PRDM16: variants seen among roughly 807,000 people sequenced by gnomAD.
The protein encoded by PRDM16 is histone-lysine N-methyltransferase PRDM16.
A neutral mutation model predicts 110.6 loss-of-function variants in PRDM16; 23 were observed. That is an observed-to-expected ratio of 0.21 (90% CI 0.15 to 0.29). The LOEUF (loss-of-function observed/expected upper bound fraction) is 0.29. Ranked by LOEUF, PRDM16 falls within the 10% of genes least tolerant of loss-of-function variation. The probability of loss-of-function intolerance (pLI) is 1.00; values close to 1 mark genes in which losing one functional copy is unlikely to be tolerated. For synonymous variants in PRDM16, 799 were observed against 781.8 expected, an observed-to-expected ratio of 1.02 and a Z score of -0.37; for missense variants, 1,615 against 1,794.3, an observed-to-expected ratio of 0.90 and a Z score of 1.81.
At chr1:3,151,060 C>T (rs1452607671) in intron 1 of PRDM16, among the ~76,000 whole-genome samples, 1 of 152,110 alleles carries the variant, frequency 6.6e-6, no homozygotes, top group Non-Finnish European at 1.5e-5. Context: ...GGTCCTCCAG[C>T]AGCCACCCTC....
chr1:3,335,187 C>G (rs548382922), intron 3 of PRDM16, among the ~76,000 whole-genome samples: 1 of 152,236 alleles, frequency 6.6e-6, no homozygotes, highest in Non-Finnish European at 1.5e-5. Context: ...ACAGCCCCAG[C>G]GTCCTGCTCT....
chr1:3,228,146 C>T (rs553478456), intron 2 of PRDM16, among the ~76,000 whole-genome samples: 12 of 152,326 alleles, frequency 7.9e-5, no homozygotes, highest in African/African-American at 2.4e-4. Context: ...AGAGAGTCCC[C>T]GGAGGGATGT....
At position 3,416,503 on chromosome 1, in the gene PRDM16, CCTCACCCCCA is replaced by C. The variant is rs1436976684; in HGVS notation, c.2692-1323_2692-1314del. 2.6e-5 allele frequency among the ~76,000 whole-genome samples: 4 copies of C among 152,328 alleles called. No homozygotes were observed. The East Asian group carries it at 7.7e-4, about 29-fold the overall frequency. On this transcript the variant is annotated intron_variant, in intron 10 of 16. Coordinates refer to ENST00000270722, the MANE Select transcript of PRDM16 (RefSeq NM_022114.4). ...GACGCAGGTCCTCACCTGCCCTTCT[CCTCACCCCCA>C]CACCCATTCCGTGGAGGCTGGGTGC...
At chr1:3,119,830 C>T (rs907248844) in intron 1 of PRDM16, among the ~76,000 whole-genome samples, 2 of 152,230 alleles carry the variant, frequency 1.3e-5, no homozygotes, top group African/African-American at 4.8e-5. Context: ...GCCGGATTGT[C>T]CCCTGCTCAG....
chr1:3,313,173 G>A (rs757670154), intron 3 of PRDM16, among the ~76,000 whole-genome samples: 7 of 152,242 alleles, frequency 4.6e-5, no homozygotes, highest in Admixed American at 6.5e-5. Context: ...TGTGGTTTCC[G>A]CCGCCTCATC....
intron 3 of PRDM16, among the ~76,000 whole-genome samples, chr1:3,278,377 A>G (rs995991006): frequency 1.3e-5 from 2 of 152,208 alleles, no homozygotes; most frequent in African/African-American, 4.8e-5. Flanking sequence ...GCAAACAGGG[A>G]GCTGAATGAA....
chr1:3,430,459 T>G (rs1040606429), intron 14 of PRDM16, among the ~76,000 whole-genome samples: 1 of 152,214 alleles, frequency 6.6e-6, no homozygotes, highest in African/African-American at 2.4e-5. Flanking sequence ...GTCCTCGAGT[T>G]GTCAGCCTGA....
intron 3 of PRDM16, among the ~76,000 whole-genome samples, chr1:3,336,734 C>A (rs906965711): frequency 2.1e-5 from 3 of 145,376 alleles, no homozygotes; most frequent in Non-Finnish European, 4.5e-5. Flanking sequence ...TGGTGTGAAT[C>A]TGTGTGTGAA....
chr1:3,396,094 C>A (rs1226499604), intron 4 of PRDM16, among the ~76,000 whole-genome samples: 2 of 152,222 alleles, frequency 1.3e-5, no homozygotes, highest in Non-Finnish European at 1.5e-5. Context: ...TGAGCTCCCC[C>A]TCCCCCGCCG....
intron 3 of PRDM16, among the ~76,000 whole-genome samples, chr1:3,318,550 GCTAT>G (rs1641665795): frequency 6.6e-6 from 1 of 151,972 alleles, no homozygotes; most frequent in African/African-American, 2.4e-5. Flanking sequence ...CTATCAATTA[GCTAT>G]CTATTGATCA....
intron 1 of PRDM16, among the ~76,000 whole-genome samples, chr1:3,180,879 G>C (rs1644144185): frequency 6.6e-6 from 1 of 150,946 alleles, no homozygotes; most frequent in African/African-American, 2.5e-5. Context: ...TACACACGCA[G>C]TCTTACACAC....
At chr1:3,230,687 T>C (rs2651924) in intron 2 of PRDM16, among the ~76,000 whole-genome samples, 59,668 of 152,200 alleles carry the variant, frequency 0.39, 17,748 homozygotes, top group African/African-American at 0.82. Context: ...CCGGTTGGGG[T>C]GAGGCAGGAC....
At chr1:3,262,955 G>A (rs1307297303) in intron 3 of PRDM16, among the ~76,000 whole-genome samples, 1 of 152,208 alleles carries the variant, frequency 6.6e-6, no homozygotes, top group Non-Finnish European at 1.5e-5. Flanking sequence ...ATCCTTGAGA[G>A]TGAGTGATTG....
chr1:3,119,605 G>A (rs556174739), intron 1 of PRDM16, among the ~76,000 whole-genome samples: 2 of 152,188 alleles, frequency 1.3e-5, no homozygotes, highest in Admixed American at 6.5e-5. Flanking sequence ...GCTGCTGATC[G>A]TGACCTGGCT....
intron 3 of PRDM16, among the ~76,000 whole-genome samples, chr1:3,310,933 TGTGC>T (rs911997724): frequency 6.7e-6 from 1 of 150,362 alleles, no homozygotes; most frequent in South Asian, 2.1e-4. Flanking sequence ...TGCATGTGAG[TGTGC>T]GTGTGTGTCT....
chr1:3,363,316 G>A (rs184626165), intron 3 of PRDM16, among the ~76,000 whole-genome samples: 52 of 152,312 alleles, frequency 3.4e-4, no homozygotes, highest in Non-Finnish European at 4.9e-4. Context: ...ACACAGCAGC[G>A]TCCCACATGA....
At chr1:3,176,945 T>TA (rs1239229274) in intron 1 of PRDM16, among the ~76,000 whole-genome samples, 1 of 151,408 alleles carries the variant, frequency 6.6e-6, no homozygotes, top group African/African-American at 2.4e-5. Flanking sequence ...TTCATTCACA[T>TA]ACCCATTCAT....
intron 1 of PRDM16, among the ~76,000 whole-genome samples, chr1:3,125,557 G>C (rs570961328): frequency 6.6e-6 from 1 of 152,390 alleles, no homozygotes; most frequent in African/African-American, 2.4e-5. Context: ...GACCGGCCCT[G>C]CCTGGCGCTC....
At chr1:3,126,986 C>A (rs2100674155) in intron 1 of PRDM16, among the ~76,000 whole-genome samples, 1 of 152,336 alleles carries the variant, frequency 6.6e-6, no homozygotes, top group African/African-American at 2.4e-5. Context: ...CACCATCGGC[C>A]CCGGACACAA....
Sources: allele counts gnomAD v4.1 joint callset (sites outside exome capture counted in the v4.1 genomes callset), GRCh38; gene constraint gnomAD v4.1.1; transcripts MANE v1.5; gene names NCBI Gene and HGNC (gene_info 2026-07-23, HGNC 2026-07-21).